Variants in LSAMP observed in about 807,000 individuals in gnomAD.
The protein encoded by LSAMP is limbic system-associated membrane protein.
In LSAMP, 7 loss-of-function variants were observed where a neutral mutation model predicts 38.6. The observed-to-expected ratio is 0.18, with a 90% CI of 0.10 to 0.34. LSAMP has a LOEUF of 0.34. Ranked by LOEUF, LSAMP falls within the 10% of genes least tolerant of loss-of-function variation. The pLI is 1.00. For synonymous variants in LSAMP, 154 were observed against 166.8 expected, an observed-to-expected ratio of 0.92 and a Z score of 0.59; for missense variants, 313 against 420.0, an observed-to-expected ratio of 0.75 and a Z score of 2.23.
At chr3:116,358,760 ATATCATATCTTAATGAAAGATACTACTGG>A (rs1249598539) in intron 1 of LSAMP, among the ~76,000 whole-genome samples, 4 of 152,182 alleles carry the variant, frequency 2.6e-5, no homozygotes, top group African/African-American at 9.6e-5. Flanking sequence ...AGTCACTCAA[ATATCATATCTTAATGAAAGATACTACTGG>A]TTTTAATAAC....
At chr3:116,098,520 T>C (rs1170735903) in intron 1 of LSAMP, among the ~76,000 whole-genome samples, 6 of 152,114 alleles carry the variant, frequency 3.9e-5, no homozygotes, top group Non-Finnish European at 8.8e-5. Flanking sequence ...CATAAATAAA[T>C]ATAAATAAAT....
At chr3:115,968,774 G>T (rs77799533) in intron 3 of LSAMP, among the ~76,000 whole-genome samples, 3,287 of 152,234 alleles carry the variant, frequency 0.022, 73 homozygotes, top group African/African-American at 0.062. Flanking sequence ...ACTTGCCAGG[G>T]AATTGCAGTC....
intron 1 of LSAMP, among the ~76,000 whole-genome samples, chr3:116,199,729 T>C (rs896504430): frequency 3.3e-5 from 5 of 152,302 alleles, no homozygotes; most frequent in South Asian, 4.1e-4. Flanking sequence ...AAGGACTCTA[T>C]TATTAGATTA....
intron 1 of LSAMP, among the ~76,000 whole-genome samples, chr3:116,409,312 C>A (rs73151109): frequency 1.0e-3 from 156 of 152,138 alleles, no homozygotes; most frequent in Non-Finnish European, 1.7e-3. Context: ...CTCTTTACTG[C>A]TGAGGGACAT....
intron 1 of LSAMP, among the ~76,000 whole-genome samples, chr3:116,350,577 G>A (rs2048124274): frequency 6.6e-6 from 1 of 151,342 alleles, no homozygotes; most frequent in South Asian, 2.1e-4. Flanking sequence ...TAGCCATCTC[G>A]GTTATCAGAT....
intron 1 of LSAMP, among the ~76,000 whole-genome samples, chr3:116,268,558 G>T (rs1166163202): frequency 6.6e-6 from 1 of 152,082 alleles, no homozygotes; most frequent in Non-Finnish European, 1.5e-5. Flanking sequence ...ACTGTAACTG[G>T]TGGGGATATG....
At chr3:116,135,667 A>G (rs1369653148) in intron 1 of LSAMP, among the ~76,000 whole-genome samples, 2 of 152,154 alleles carry the variant, frequency 1.3e-5, no homozygotes, top group African/African-American at 4.8e-5. Flanking sequence ...CTGCTGGCTG[A>G]CCACCAACTC....
At chr3:116,033,598 C>T (rs1940979042) in intron 2 of LSAMP, among the ~76,000 whole-genome samples, 1 of 152,118 alleles carries the variant, frequency 6.6e-6, no homozygotes, top group African/African-American at 2.4e-5. Context: ...AAAAAGCAGT[C>T]TCTCCGTAAC....
chr3:115,975,051 T>C (rs1020592767), intron 3 of LSAMP, among the ~76,000 whole-genome samples: 2 of 152,004 alleles, frequency 1.3e-5, no homozygotes, highest in Non-Finnish European at 2.9e-5. Context: ...CATCTTGGAG[T>C]GTTCCTGAGC....
chr3:116,140,147 G>A (rs1281633656), intron 1 of LSAMP, among the ~76,000 whole-genome samples: 1 of 151,982 alleles, frequency 6.6e-6, no homozygotes, highest in Non-Finnish European at 1.5e-5. Context: ...AAGGGTTTAT[G>A]TAGTTCTGAC....
At chr3:116,360,207 G>C (rs796902289) in intron 1 of LSAMP, 1 of 130,600 alleles carries the variant, frequency 7.7e-6, no homozygotes, top group African/African-American at 3.1e-5. Flanking sequence ...GAAGCGCAAG[G>C]GGTCAGGGAG....
At chr3:116,052,916 G>A (rs1032179049) in intron 2 of LSAMP, among the ~76,000 whole-genome samples, 2 of 152,156 alleles carry the variant, frequency 1.3e-5, no homozygotes, top group East Asian at 3.9e-4. Context: ...TCATTAAATG[G>A]TGCATAGTGG....
At chr3:115,938,295 T>C (rs968629778) in intron 3 of LSAMP, among the ~76,000 whole-genome samples, 6 of 152,190 alleles carry the variant, frequency 3.9e-5, no homozygotes, top group African/African-American at 1.4e-4. Flanking sequence ...AAATACATCA[T>C]TGTACACTCA....
Position 116,444,970 on chromosome 3 carries a change from CAGAGCAATCTCAGTAG to C in LSAMP, c.46_61del (p.Leu16AlafsTer23). 6.2e-7 allele frequency: 1 copy of C among 1,614,130 alleles called. No homozygotes were observed. The highest frequency in any genetic ancestry group is 8.5e-7 in the Non-Finnish European group (1 of 1,180,042). ...AACAGGCAGTCCTGTGGGAAGAAGGCAGAGCAATCTCAGTAGGACCAGTGGCAACTGTTTCCGATCC... is the reference window on the plus strand; with the variant it reads ...AACAGGCAGTCCTGTGGGAAGAAGGCGACCAGTGGCAACTGTTTCCGATCC... On this transcript the variant is annotated frameshift_variant, in exon 1 of 7. Coordinates refer to ENST00000490035, the MANE Select transcript of LSAMP (RefSeq NM_002338.5). LOFTEE classifies it high-confidence loss of function.
At chr3:116,385,272 T>C (rs2048610986) in intron 1 of LSAMP, among the ~76,000 whole-genome samples, 1 of 152,156 alleles carries the variant, frequency 6.6e-6, no homozygotes, top group Non-Finnish European at 1.5e-5. Flanking sequence ...TCTATATACA[T>C]CACTCGAGAA....
At chr3:115,949,987 C>T (rs565941603) in intron 3 of LSAMP, among the ~76,000 whole-genome samples, 1 of 152,102 alleles carries the variant, frequency 6.6e-6, no homozygotes, top group South Asian at 2.1e-4. Context: ...AAACAAAAAC[C>T]GTATGATCAT....
rs1933603449 is a variant in LSAMP, at chr3:115,805,194, A to G, written c.*5123T>C. ...CCCTTGCTTTGGGGTCGGGTGAGAC[A>G]ACTACAGCAACAGTTGGGACAATCT... On this transcript the variant is annotated 3_prime_UTR_variant, in exon 7 of 7. Transcript: ENST00000490035. 6.6e-6 allele frequency: 1 copy of G among 152,210 alleles called. No individual in the cohort carries two copies. The allele number at this position is 152,210 out of a possible 1,614,324, so 9.4% of individuals were successfully genotyped here.
chr3:116,316,639 C>T (rs536942448), intron 1 of LSAMP, among the ~76,000 whole-genome samples: 6 of 151,804 alleles, frequency 4.0e-5, no homozygotes, highest in African/African-American at 7.2e-5. Context: ...GGCAGGATGG[C>T]GGGTGCCTGT....
intron 3 of LSAMP, among the ~76,000 whole-genome samples, chr3:115,895,672 A>C (rs1276583487): frequency 6.6e-6 from 1 of 152,050 alleles, no homozygotes; most frequent in Non-Finnish European, 1.5e-5. Context: ...TAAGAAGAAT[A>C]TGTGACAAAT....
Sources: gnomAD v4.1 joint callset for allele counts (sites outside exome capture counted in the v4.1 genomes callset) on GRCh38, gnomAD v4.1.1 for gene constraint, MANE v1.5 for transcripts, NCBI Gene and HGNC (gene_info 2026-07-23, HGNC 2026-07-21) for gene names.